MTRR: variants seen among roughly 807,000 people sequenced by gnomAD.
MTRR encodes the protein 5-methyltetrahydrofolate-homocysteine methyltransferase reductase, also known as methionine synthase reductase.
MTRR carries 63 observed loss-of-function variants against 79.2 expected under a neutral mutation model. That is an observed-to-expected ratio of 0.80 (90% confidence interval 0.65 to 0.98). The LOEUF (loss-of-function observed/expected upper bound fraction) is 0.98, where lower values mean the gene tolerates loss of function less well. Ranked by LOEUF, MTRR falls within the 50% of genes least tolerant of loss-of-function variation. The probability of loss-of-function intolerance (pLI) is 0.00; values close to 1 mark genes in which losing one functional copy is unlikely to be tolerated. For missense variants in MTRR, 895 were observed against 839.6 expected, an observed-to-expected ratio of 1.07 and a Z score of -0.82; for synonymous variants, 355 against 313.3, an observed-to-expected ratio of 1.13 and a Z score of -1.41.
chr5:7,865,647 A>G (rs911056849), upstream of MTRR, among the ~76,000 whole-genome samples: 3 of 152,202 alleles, frequency 2.0e-5, no homozygotes, highest in African/African-American at 4.8e-5. Flanking sequence ...ATGGAGAAAT[A>G]CTGTAACTCA....
chr5:7,886,522 A>G (rs1335393543), intron 7 of MTRR, 93 bp from the exon 8 acceptor site: 1 of 985,070 alleles, frequency 1.0e-6, no homozygotes, highest in African/African-American at 1.6e-5. Flanking sequence ...TGCGCTGTAA[A>G]GTACTACAGT....
intron 5 of MTRR, 152 bp downstream of exon 5, chr5:7,878,474 A>G: frequency 9.9e-7 from 1 of 1,007,606 alleles, no homozygotes; most frequent in South Asian, 1.5e-5. Flanking sequence ...AATAGATTTT[A>G]CTGGAACACA....
At chr5:7,874,352 A>G (rs1346502664) in intron 3 of MTRR, among the ~76,000 whole-genome samples, 2 of 152,186 alleles carry the variant, frequency 1.3e-5, no homozygotes, top group African/African-American at 2.4e-5. Flanking sequence ...TCTGTCATAT[A>G]TAACATGTTC....
At chr5:7,886,929 G>A (rs914893910) in intron 8 of MTRR, among the ~76,000 whole-genome samples, 11 of 152,086 alleles carry the variant, frequency 7.2e-5, no homozygotes, top group African/African-American at 2.4e-4. Context: ...ATTGAAATGA[G>A]GGCTTAAATA....
intron 1 of MTRR, among the ~76,000 whole-genome samples, chr5:7,852,532 G>A (rs990106315): frequency 1.3e-5 from 2 of 152,098 alleles, no homozygotes; most frequent in African/African-American, 4.8e-5. Context: ...TGCCCACCAT[G>A]TCTCTAAGCC....
chr5:7,850,956 G>A (rs1339849476), upstream of MTRR: 2 of 1,334,084 alleles, frequency 1.5e-6, no homozygotes, highest in Non-Finnish European at 1.9e-6. Context: ...ACTGCGCCGA[G>A]ACGGGCGGCG....
chr5:7,860,914 T>C (rs1274042009), intron 1 of MTRR, among the ~76,000 whole-genome samples: 2 of 152,208 alleles, frequency 1.3e-5, no homozygotes, highest in Non-Finnish European at 2.9e-5. Context: ...AGCAAGAATA[T>C]GTAACTGTAA....
intron 1 of MTRR, among the ~76,000 whole-genome samples, chr5:7,854,860 G>A (rs531470016): frequency 1.9e-4 from 29 of 152,280 alleles, no homozygotes; most frequent in South Asian, 6.2e-4. Context: ...CATCTAGCAC[G>A]GGAGAAAGAG....
chr5:7,872,363 A>G (rs1204259561), intron 2 of MTRR: 1 of 349,198 alleles, frequency 2.9e-6, no homozygotes, highest in African/African-American at 2.1e-5. Context: ...GTAAGAATAA[A>G]GAAACTTGAT....
chr5:7,870,088 T>G (rs1747660806), intron 1 of MTRR: 12 of 985,090 alleles, frequency 1.2e-5, no homozygotes, highest in Non-Finnish European at 1.3e-5. Context: ...ACTGCTTATC[T>G]CTTGCGGAAA....
chr5:7,869,640 G>A (rs1747533428), intron 1 of MTRR: 4 of 234,824 alleles, frequency 1.7e-5, no homozygotes, highest in South Asian at 4.7e-5. Flanking sequence ...TTCTGCCCGC[G>A]GCCGTGAGCT....
At chr5:7,870,180 C>T (rs779031479) in intron 1 of MTRR, 50 of 561,306 alleles carry the variant, frequency 8.9e-5, no homozygotes, top group Non-Finnish European at 1.0e-4. Flanking sequence ...CATACACTCA[C>T]ATATTTTTGA....
At chr5:7,873,712 A>G (rs1748402377) in intron 3 of MTRR, among the ~76,000 whole-genome samples, 186 bp downstream of exon 3, 1 of 152,210 alleles carries the variant, frequency 6.6e-6, no homozygotes, top group South Asian at 2.1e-4. Context: ...ACTTTACCCC[A>G]GAGCCACACC....
rs1468253142 is a variant in MTRR, at chr5:7,869,168, T to A, written c.-73T>A. The A allele has an allele frequency of 6.2e-7, 1 of 1,612,620 alleles. No homozygotes were observed. The highest frequency in any genetic ancestry group is 8.5e-7 in the Non-Finnish European group (1 of 1,179,832). On this transcript the variant is annotated 5_prime_UTR_variant, in exon 1 of 15. Coordinates refer to ENST00000440940, the MANE Select transcript of MTRR (RefSeq NM_002454.3). ...GCGTCAGTGCGCGCTGGCGCAAGGTTGGTGGAAGTCGCGTTGTGCAGGTTC... is the reference window on the plus strand; with the variant it reads ...GCGTCAGTGCGCGCTGGCGCAAGGTAGGTGGAAGTCGCGTTGTGCAGGTTC...
rs162034 is a variant in MTRR at position 7,882,866 on chromosome 5, C to T, written c.781-289C>T. On this transcript the variant is annotated intron_variant, in intron 5 of 14. Transcript: ENST00000440940. ...TTTGCAGACATTCTGTTTCCCTTGA[C>T]GTAGTTTATTAGGAAAACTACTAGA... Among the ~76,000 whole-genome samples, 30,902 of 152,074 alleles carry T rather than the reference C, an allele frequency of 0.2. 4,381 individuals carry two copies. The highest frequency in any genetic ancestry group is 0.38 in the African/African-American group (15,604 of 41,458).
At chr5:7,854,787 C>A (rs1386493916) in intron 1 of MTRR, among the ~76,000 whole-genome samples, 1 of 152,154 alleles carries the variant, frequency 6.6e-6, no homozygotes, top group African/African-American at 2.4e-5. Flanking sequence ...AGCTGAGGAG[C>A]AAGGAGGCCA....
chr5:7,867,250 A>G (rs1482611983), upstream of MTRR: 3 of 1,613,980 alleles, frequency 1.9e-6, no homozygotes, highest in Admixed American at 5.0e-5. Context: ...TGTTTATCTT[A>G]TTTAAAAATG....
At chr5:7,855,352 A>G (rs1186683021) in intron 1 of MTRR, among the ~76,000 whole-genome samples, 1 of 152,066 alleles carries the variant, frequency 6.6e-6, no homozygotes, top group Non-Finnish European at 1.5e-5. Flanking sequence ...TATCAATTAT[A>G]GATGAATACT....
chr5:7,894,405 G>A (rs3822442), intron 11 of MTRR, among the ~76,000 whole-genome samples: 6,710 of 152,292 alleles, frequency 0.044, 275 homozygotes, highest in East Asian at 0.19. Flanking sequence ...TAAGCCTGTG[G>A]GCGTGGTGTA....
Sources: allele counts gnomAD v4.1 joint callset (sites outside exome capture counted in the v4.1 genomes callset), GRCh38; gene constraint gnomAD v4.1.1; transcripts MANE v1.5; gene names NCBI Gene and HGNC (gene_info 2026-07-23, HGNC 2026-07-21).